The following PRDM12 variants were observed in gnomAD, a reference collection of about 807,000 sequenced individuals.
PRDM12 encodes PR/SET domain 12, also known as PR domain zinc finger protein 12.
In PRDM12, 17 loss-of-function variants were observed where a neutral mutation model predicts 29.6. That is an observed-to-expected ratio of 0.57 (90% CI 0.39 to 0.86). PRDM12 has a LOEUF of 0.86. PRDM12 is among the 40% of genes least tolerant of loss of function. The probability of loss-of-function intolerance (pLI) is 0.00; values close to 1 mark genes in which losing one functional copy is unlikely to be tolerated. For synonymous variants in PRDM12, 231 were observed against 225.8 expected, an observed-to-expected ratio of 1.02 and a Z score of -0.21; for missense variants, 422 against 510.8, an observed-to-expected ratio of 0.83 and a Z score of 1.68.
At chr9:130,667,532 C>CA (rs763274880) in intron 2 of PRDM12, among the ~76,000 whole-genome samples, 7 of 24,038 alleles carry the variant, frequency 2.9e-4, no homozygotes, top group East Asian at 0.12. Context: ...CCCACTCCAG[C>CA]TCCCCCCGGC....
intron 4 of PRDM12, among the ~76,000 whole-genome samples, chr9:130,680,397 G>T (rs2132606230): frequency 6.6e-6 from 1 of 151,710 alleles, no homozygotes; most frequent in African/African-American, 2.4e-5. Flanking sequence ...CACTTTGGGA[G>T]GCCGAGGTGG....
chr9:130,673,707 T>G (rs192957376), intron 3 of PRDM12, among the ~76,000 whole-genome samples: 11 of 149,640 alleles, frequency 7.4e-5, no homozygotes, highest in African/African-American at 2.7e-4. Context: ...GTTTCACTCT[T>G]GTTGCCCAGG....
At chr9:130,666,928 C>CCCTGAG in intron 2 of PRDM12, 130 bp downstream of exon 2, 1 of 1,267,574 alleles carries the variant, frequency 7.9e-7, no homozygotes, top group Non-Finnish European at 1.0e-6. Context: ...CCTGGACGCC[C>CCCTGAG]CCTGAGCCGG....
rs1165910345 is a variant in PRDM12 at position 130,682,084 on chromosome 9, G to C, written c.*415G>C. 1.3e-5 allele frequency: 2 copies of C among 152,170 alleles called. No homozygotes were observed. The highest frequency in any genetic ancestry group is 2.9e-5 in the Non-Finnish European group (2 of 68,058). The allele number at this position is 152,170 out of a possible 1,614,324, so 9.4% of individuals were successfully genotyped here. Reference sequence around the variant, plus strand: ...CCTCCTCCGCCACCGAGAGTCCTGTGCTTCGGAATGAAGGGAGGGCGACCT... The same window carrying C: ...CCTCCTCCGCCACCGAGAGTCCTGTCCTTCGGAATGAAGGGAGGGCGACCT... On this transcript the variant is annotated 3_prime_UTR_variant, in exon 5 of 5. Coordinates refer to ENST00000253008, the MANE Select transcript of PRDM12 (RefSeq NM_021619.3). The surrounding 1 kb of genome is among the most constrained non-coding windows in gnomAD (Gnocchi z 4.2).
intron 3 of PRDM12, among the ~76,000 whole-genome samples, chr9:130,673,037 G>A (rs930911456): frequency 1.3e-5 from 2 of 152,182 alleles, no homozygotes; most frequent in Non-Finnish European, 2.9e-5. Flanking sequence ...GGATTTTGTG[G>A]TACAGGACTC....
At chr9:130,670,385 C>A (rs1224060456) in intron 3 of PRDM12, among the ~76,000 whole-genome samples, 1 of 152,094 alleles carries the variant, frequency 6.6e-6, no homozygotes, top group Non-Finnish European at 1.5e-5. Context: ...CAGAGACTCT[C>A]CCAGAGGTGA....
rs1830760723 is a variant in PRDM12, at chr9:130,668,959, G to C, written c.570+646G>C. Among the ~76,000 whole-genome samples, 2 of 152,142 alleles carry C rather than the reference G, an allele frequency of 1.3e-5. No homozygotes were observed. The highest frequency in any genetic ancestry group is 4.8e-5 in the African/African-American group (2 of 41,430). Reference sequence around the variant, plus strand: ...ACTTGGGGGTTTTGCCGGCCATCTGGGGGGAGTGTTAGCACTAATAGCTGC... The same window carrying C: ...ACTTGGGGGTTTTGCCGGCCATCTGCGGGGAGTGTTAGCACTAATAGCTGC... On this transcript the variant is annotated intron_variant, in intron 3 of 4. Transcript: ENST00000253008. This position sits in a 1 kb window ranked among gnomAD's most constrained non-coding sequence, Gnocchi z 4.0.
In PRDM12 at chr9:130,678,586, C is replaced by T. The variant is rs1830864278; in HGVS notation, c.628C>T (p.Leu210=). Residue 210 remains leucine, a synonymous_variant, in exon 4 of 5, where the codon CTG becomes TTG. Transcript: ENST00000253008. Reference sequence around the variant, plus strand: ...GTACGGAAACTCACACAACACCTTCCTGGGGATCCCAGGTGTGCCCGGGCT... The same window carrying T: ...GTACGGAAACTCACACAACACCTTCTTGGGGATCCCAGGTGTGCCCGGGCT... ...VWYGNSHNTF[L]GIPGVPGLEE... 1.2e-6 allele frequency: 2 copies of T among 1,613,694 alleles called. No individual in the cohort carries two copies. The highest frequency in any genetic ancestry group is 1.3e-5 in the African/African-American group (1 of 75,014).
chr9:130,670,337 G>A (rs1050840037), intron 3 of PRDM12, among the ~76,000 whole-genome samples: 15 of 152,180 alleles, frequency 9.9e-5, no homozygotes, highest in African/African-American at 2.9e-4. Flanking sequence ...GTAGCTTCTC[G>A]GATGGGTTCC....
chr9:130,673,606 G>A (rs545263770), intron 3 of PRDM12, among the ~76,000 whole-genome samples: 15 of 150,764 alleles, frequency 9.9e-5, no homozygotes, highest in East Asian at 1.9e-4. Context: ...AACAATTCTC[G>A]TGCCTCAGCC....
At position 130,668,727 on chromosome 9, in the gene PRDM12, G is replaced by C. The variant is rs1374064703; in HGVS notation, c.570+414G>C. 6.6e-6 allele frequency among the ~76,000 whole-genome samples: 1 copy of C among 152,120 alleles called. No homozygotes were observed. The highest frequency in any genetic ancestry group is 1.5e-5 in the Non-Finnish European group (1 of 68,028). On this transcript the variant is annotated intron_variant, in intron 3 of 4. Coordinates refer to ENST00000253008, the MANE Select transcript of PRDM12 (RefSeq NM_021619.3). The surrounding 1 kb of genome is among the most constrained non-coding windows in gnomAD (Gnocchi z 4.0). ...GGCGTGTGTCTGCAGCCGTTTAGCT[G>C]TCTGATGGCCCTCATTCTGCATGCA...
chr9:130,665,260 C>A (rs1830720991), intron 1 of PRDM12, among the ~76,000 whole-genome samples: 1 of 148,616 alleles, frequency 6.7e-6, no homozygotes. Flanking sequence ...GCTTGACCCA[C>A]GAAAGTTCCC....
chr9:130,678,435 C>G (rs926402491), intron 3 of PRDM12, 94 bp from the exon 4 acceptor site: 2 of 859,328 alleles, frequency 2.3e-6, no homozygotes, highest in Admixed American at 2.1e-5. Context: ...AGACTGGGTC[C>G]GGGTCTCCTG....
chr9:130,676,642 G>A (rs1830845421), intron 3 of PRDM12, among the ~76,000 whole-genome samples: 2 of 152,180 alleles, frequency 1.3e-5, no homozygotes, highest in Admixed American at 6.5e-5. Flanking sequence ...AGGTCACCAG[G>A]GATCTCGCTG....
intron 3 of PRDM12, among the ~76,000 whole-genome samples, chr9:130,670,157 G>T (rs1418537254): frequency 2.0e-5 from 3 of 152,176 alleles, no homozygotes; most frequent in African/African-American, 7.2e-5. Flanking sequence ...GCAGTCAGGT[G>T]CTTCCCACCC....
intron 3 of PRDM12, among the ~76,000 whole-genome samples, chr9:130,669,283 C>T (rs951561187): frequency 1.3e-4 from 19 of 151,660 alleles, no homozygotes; most frequent in South Asian, 1.0e-3. Context: ...GCCGAGATCA[C>T]GCCACTGCAC....
rs1348966932 is a variant in PRDM12, at chr9:130,664,649, C to A, written c.-5C>A. 3 of 1,567,876 alleles carry A rather than the reference C, an allele frequency of 1.9e-6. No individual in the cohort carries two copies. The highest frequency in any genetic ancestry group is 1.8e-5 in the Admixed American group (1 of 54,976). ...CCCCCGGCGCCGGGGAGCTCCGGGC[C>A]GCCCATGATGGGCTCCGTGCTCCCG... On this transcript the variant is annotated 5_prime_UTR_variant, in exon 1 of 5. Coordinates refer to ENST00000253008, the MANE Select transcript of PRDM12 (RefSeq NM_021619.3). This position sits in a 1 kb window ranked among gnomAD's most constrained non-coding sequence, Gnocchi z 6.4.
At chr9:130,672,906 A>G (rs1830802432) in intron 3 of PRDM12, among the ~76,000 whole-genome samples, 1 of 152,200 alleles carries the variant, frequency 6.6e-6, no homozygotes, top group African/African-American at 2.4e-5. Context: ...TATAATAAAA[A>G]TTCAGAAAGT....
At chr9:130,669,513 A>C (rs963791952) in intron 3 of PRDM12, among the ~76,000 whole-genome samples, 3 of 146,470 alleles carry the variant, frequency 2.0e-5, no homozygotes, top group Non-Finnish European at 4.5e-5. Flanking sequence ...ACACAGTGAG[A>C]CTCCATCTCA....
Sources: allele counts gnomAD v4.1 joint callset (sites outside exome capture counted in the v4.1 genomes callset), GRCh38; gene constraint gnomAD v4.1.1; non-coding constraint Gnocchi (gnomAD v3.1); transcripts MANE v1.5; gene names NCBI Gene and HGNC (gene_info 2026-07-23, HGNC 2026-07-21).